NRXN1: variants seen among roughly 807,000 people sequenced by gnomAD.
NRXN1 encodes neurexin 1.
A neutral mutation model predicts 150.9 loss-of-function variants in NRXN1; 39 were observed. That is an observed-to-expected ratio of 0.26 (90% CI 0.20 to 0.34). NRXN1 has a LOEUF of 0.34. NRXN1 is among the 10% of genes least tolerant of loss of function. The pLI, the probability that NRXN1 is intolerant of heterozygous loss-of-function variation, is 1.00. For synonymous variants in NRXN1, 924 were observed against 757.0 expected, an observed-to-expected ratio of 1.22 and a Z score of -3.62; for missense variants, 1,815 against 1,949.9, an observed-to-expected ratio of 0.93 and a Z score of 1.30.
Position 50,890,843 on chromosome 2 carries a change from T to C in NRXN1, c.832+31026A>G, listed in dbSNP as rs146902290. 2.6e-3 allele frequency among the ~76,000 whole-genome samples: 390 copies of C among 152,090 alleles called. 1 individual carries two copies. Among genetic ancestry groups the C allele is most frequent in the Non-Finnish European group, 3.8e-3 (257 of 67,930 alleles). On this transcript the variant is annotated intron_variant, in intron 5 of 22. Transcript: ENST00000401669. ...AACAACTGTATTTGTTTTATTGTAT[T>C]ATGCACAAAACACAAACTTCTAATG...
rs187455058 is a variant in NRXN1 at position 50,231,629 on chromosome 2, G to A, written c.3546+5160C>T. Among the ~76,000 whole-genome samples, 311 of 152,134 alleles carry A rather than the reference G, an allele frequency of 2.0e-3. 1 individual carries two copies. The highest frequency in any genetic ancestry group is 3.5e-3 in the Non-Finnish European group (239 of 67,970). On this transcript the variant is annotated intron_variant, in intron 18 of 22. Coordinates refer to ENST00000401669, the MANE Select transcript of NRXN1 (RefSeq NM_001330078.2). ...CAATGCTCTTTTATGCTCCCAAGAT[G>A]AAAGGATTTCAAAACACACTCTTCA... is the stretch of plus-strand genomic sequence containing the variant.
intron 17 of NRXN1, among the ~76,000 whole-genome samples, chr2:50,321,572 T>C (rs1191358361): frequency 1.3e-5 from 2 of 152,136 alleles, no homozygotes; most frequent in Non-Finnish European, 2.9e-5. Flanking sequence ...TGAACATTTT[T>C]TTTTCCTAAG....
chr2:50,090,123 A>C (rs1699366398), intron 19 of NRXN1, among the ~76,000 whole-genome samples: 1 of 152,176 alleles, frequency 6.6e-6, no homozygotes, highest in Non-Finnish European at 1.5e-5. Flanking sequence ...TTAATTCAGC[A>C]AATATTGGCA....
chr2:50,202,556 A>G (rs2062254351), intron 18 of NRXN1, among the ~76,000 whole-genome samples: 1 of 152,088 alleles, frequency 6.6e-6, no homozygotes, highest in Non-Finnish European at 1.5e-5. Context: ...TTGAGCAGTA[A>G]TGATAAATTT....
chr2:51,026,245 C>G (rs907560127), intron 2 of NRXN1: 1 of 670,460 alleles, frequency 1.5e-6, no homozygotes, highest in East Asian at 2.7e-5. Flanking sequence ...TTTTTTCACC[C>G]ATTTCAGCCA....
Position 50,531,209 on chromosome 2 carries a change from G to T in NRXN1, c.2347+18C>A, listed in dbSNP as rs150460414. ...AAGTAAAAAAGTGTTAGTTCAATGG[G>T]GGAAGGCAGGTTGTTACCTAGATTG... is the stretch of plus-strand genomic sequence containing the variant. On this transcript the variant is annotated intron_variant, in intron 11 of 22. Coordinates refer to ENST00000401669, the MANE Select transcript of NRXN1 (RefSeq NM_001330078.2). 466 of 1,603,406 alleles carry T rather than the reference G, an allele frequency of 2.9e-4. 1 individual carries two copies. In the East Asian group the frequency reaches 9.5e-3, roughly 33 times the overall value.
chr2:50,821,762 G>A (rs776981197), intron 5 of NRXN1, among the ~76,000 whole-genome samples: 1 of 152,072 alleles, frequency 6.6e-6, no homozygotes, highest in Non-Finnish European at 1.5e-5. Flanking sequence ...AAGAAGGCTG[G>A]AGTAAAATAA....
chr2:50,098,853 T>G (rs1446348829), intron 18 of NRXN1, among the ~76,000 whole-genome samples: 13 of 30,000 alleles, frequency 4.3e-4, no homozygotes, highest in African/African-American at 1.6e-3. Context: ...TTTTTTTTTT[T>G]TTTTTTTTTT....
chr2:50,406,171 T>A (rs2082737139), intron 17 of NRXN1, among the ~76,000 whole-genome samples: 1 of 152,118 alleles, frequency 6.6e-6, no homozygotes, highest in African/African-American at 2.4e-5. Flanking sequence ...AAAATGTTGA[T>A]ACCTCTAGGA....
intron 15 of NRXN1, among the ~76,000 whole-genome samples, chr2:50,488,477 G>C (rs1309032269): frequency 1.3e-5 from 2 of 152,190 alleles, no homozygotes; most frequent in African/African-American, 4.8e-5. Flanking sequence ...ACAAGGGAAT[G>C]ATCCTTGGGC....
chr2:49,978,230 G>A (rs1205986032), intron 21 of NRXN1, among the ~76,000 whole-genome samples: 1 of 152,020 alleles, frequency 6.6e-6, no homozygotes, highest in African/African-American at 2.4e-5. Context: ...ATAAAGGAGA[G>A]GAAACTTCTG....
chr2:50,162,844 T>A (rs867971033), intron 18 of NRXN1, among the ~76,000 whole-genome samples: 1 of 151,990 alleles, frequency 6.6e-6, no homozygotes, highest in African/African-American at 2.4e-5. Flanking sequence ...TAAATTATCT[T>A]TGAAATATTT....
Position 50,219,360 on chromosome 2 carries a change from A to G in NRXN1, c.3546+17429T>C, listed in dbSNP as rs539569926. On this transcript the variant is annotated intron_variant, in intron 18 of 22. Coordinates refer to ENST00000401669, the MANE Select transcript of NRXN1 (RefSeq NM_001330078.2). ...TACAAAACTGTGTTCTGTTTTGGGG[A>G]AAAAAAAAAAAAGAGCTCTTAGACA... is the stretch of plus-strand genomic sequence containing the variant. Among the ~76,000 whole-genome samples, 141 of 45,214 alleles carry G rather than the reference A, an allele frequency of 3.1e-3. 2 individuals are homozygous for G. Among genetic ancestry groups the G allele is most frequent in the Middle Eastern group, 0.012 (1 of 84 alleles). 29.7% of individuals were successfully genotyped at this position (45,214 alleles called of 152,430 possible). A position where few individuals can be genotyped will look rare whatever the true frequency, so the allele number is the denominator to read the frequency against.
At chr2:50,458,236 T>A (rs1301010682) in intron 17 of NRXN1, among the ~76,000 whole-genome samples, 1 of 152,050 alleles carries the variant, frequency 6.6e-6, no homozygotes, top group Non-Finnish European at 1.5e-5. Flanking sequence ...AAAATTGACC[T>A]CTTGGAGACA....
intron 17 of NRXN1, among the ~76,000 whole-genome samples, chr2:50,379,409 C>A (rs1010561825): frequency 3.3e-5 from 5 of 152,136 alleles, no homozygotes; most frequent in African/African-American, 1.2e-4. Flanking sequence ...AACAGACAAA[C>A]TCTATTGTGT....
chr2:49,991,313 T>A (rs540556184), intron 21 of NRXN1, among the ~76,000 whole-genome samples: 5 of 152,030 alleles, frequency 3.3e-5, no homozygotes, highest in Admixed American at 1.3e-4. Context: ...GGTGACACAA[T>A]TGTGTATGCA....
At chr2:50,956,751 TA>T (rs1252177963) in intron 2 of NRXN1, among the ~76,000 whole-genome samples, 2 of 151,676 alleles carry the variant, frequency 1.3e-5, no homozygotes, top group African/African-American at 4.8e-5. Context: ...AAATTTAATT[TA>T]AAAAATAAAA....
At chr2:50,476,487 G>A (rs915375117) in intron 15 of NRXN1, among the ~76,000 whole-genome samples, 5 of 151,932 alleles carry the variant, frequency 3.3e-5, no homozygotes, top group African/African-American at 4.8e-5. Context: ...AAGGCCATAA[G>A]GATTACAAAG....
At chr2:50,538,918 A>G (rs2093329240) in intron 9 of NRXN1, among the ~76,000 whole-genome samples, 1 of 152,210 alleles carries the variant, frequency 6.6e-6, no homozygotes. Flanking sequence ...CAGTTCAGTC[A>G]ATGCATGTAT....
Sources: gnomAD v4.1 joint callset for allele counts (sites outside exome capture counted in the v4.1 genomes callset) on GRCh38, gnomAD v4.1.1 for gene constraint, MANE v1.5 for transcripts, NCBI Gene and HGNC (gene_info 2026-07-23, HGNC 2026-07-21) for gene names.